ATRNL1: variants seen among roughly 807,000 people sequenced by gnomAD.
The protein encoded by ATRNL1 is attractin like 1.
A neutral mutation model predicts 182.7 loss-of-function variants in ATRNL1; 95 were observed. The ratio of observed to expected loss-of-function variants is 0.52; its 90% CI spans 0.44 to 0.62. The LOEUF (loss-of-function observed/expected upper bound fraction) is 0.62, where lower values mean the gene tolerates loss of function less well. ATRNL1 is among the 20% of genes least tolerant of loss of function. The pLI is 0.00. For missense variants in ATRNL1, 1,471 were observed against 1,679.5 expected (o/e 0.88, Z 2.17); for synonymous variants, 576 against 568.3 (o/e 1.01, Z -0.19).
chr10:115,271,021 T>C (rs1851836788), intron 13 of ATRNL1, among the ~76,000 whole-genome samples: 1 of 152,060 alleles, frequency 6.6e-6, no homozygotes, highest in Admixed American at 6.6e-5. Context: ...GAAAAGGAGG[T>C]AAAGTCCTGG....
chr10:115,405,687 GTTTTC>G lies in ATRNL1; in HGVS notation c.3269+10940_3269+10944del, dbSNP rs564940366. 6.7e-3 allele frequency among the ~76,000 whole-genome samples: 897 copies of G among 134,424 alleles called. 2 individuals are homozygous for G. The highest frequency in any genetic ancestry group is 7.5e-3 in the Non-Finnish European group (432 of 57,358). 88.2% of individuals were successfully genotyped at this position (134,424 alleles called of 152,430 possible). ...TATAACACACTTCATTCATTTGCCT[GTTTTC>G]TTTTTTTTTTTAATTATACTTTAAG... On this transcript the variant is annotated intron_variant, in intron 20 of 28. Coordinates refer to ENST00000355044, the MANE Select transcript of ATRNL1 (RefSeq NM_207303.4).
chr10:115,217,458 A>G (rs973728111), intron 9 of ATRNL1, among the ~76,000 whole-genome samples: 9 of 152,198 alleles, frequency 5.9e-5, no homozygotes, highest in Non-Finnish European at 1.2e-4. Context: ...GAGGCAGTAT[A>G]GTTCACAGTA....
chr10:115,898,624 ACCTTAAGG>A (rs1201513327), intron 28 of ATRNL1, among the ~76,000 whole-genome samples: 2 of 152,014 alleles, frequency 1.3e-5, no homozygotes, highest in Non-Finnish European at 2.9e-5. Context: ...TGTCTAGGAG[ACCTTAAGG>A]CCATAACAGG....
At chr10:115,642,205 T>C (rs556688100) in intron 26 of ATRNL1, among the ~76,000 whole-genome samples, 1 of 152,208 alleles carries the variant, frequency 6.6e-6, no homozygotes, top group South Asian at 2.1e-4. Context: ...ATATTCACAA[T>C]GAACAATAAG....
intron 26 of ATRNL1, among the ~76,000 whole-genome samples, chr10:115,656,981 G>A (rs570995234): frequency 4.6e-5 from 7 of 152,182 alleles, no homozygotes; most frequent in Admixed American, 1.3e-4. Flanking sequence ...AGTTAGAAGC[G>A]ATGATGTTAC....
At chr10:115,189,658 T>A (rs2144224468) in intron 8 of ATRNL1, among the ~76,000 whole-genome samples, 1 of 152,252 alleles carries the variant, frequency 6.6e-6, no homozygotes, top group South Asian at 2.1e-4. Context: ...TAGGCTGTTA[T>A]TACAGAAGGA....
At chr10:115,445,727 A>T (rs1156759802) in intron 21 of ATRNL1, among the ~76,000 whole-genome samples, 2 of 95,368 alleles carry the variant, frequency 2.1e-5, no homozygotes, top group African/African-American at 4.0e-5. Context: ...GAACATTTTT[A>T]TCGCTCCAGA....
intron 20 of ATRNL1, among the ~76,000 whole-genome samples, chr10:115,417,437 C>T (rs1554961060): frequency 6.6e-6 from 1 of 152,130 alleles, no homozygotes; most frequent in Non-Finnish European, 1.5e-5. Context: ...TTCAGTAGTA[C>T]CCAGGTTGTC....
chr10:115,314,318 G>T (rs561731343), intron 17 of ATRNL1, among the ~76,000 whole-genome samples: 7 of 152,116 alleles, frequency 4.6e-5, no homozygotes, highest in Non-Finnish European at 2.9e-5. Context: ...TTTAAATCCA[G>T]TATTCTATTA....
At chr10:115,172,328 C>G (rs1052843233) in intron 8 of ATRNL1, among the ~76,000 whole-genome samples, 2 of 151,956 alleles carry the variant, frequency 1.3e-5, no homozygotes, top group South Asian at 4.1e-4. Context: ...AATATATCAC[C>G]TATTACTTCA....
At chr10:115,696,896 A>C (rs544763402) in intron 26 of ATRNL1, among the ~76,000 whole-genome samples, 9 of 148,512 alleles carry the variant, frequency 6.1e-5, no homozygotes, top group African/African-American at 7.8e-5. Flanking sequence ...AGAGAGAGAG[A>C]GAGCGAGCGA....
chr10:115,378,721 G>A (rs1251326733), intron 19 of ATRNL1, among the ~76,000 whole-genome samples: 3 of 152,162 alleles, frequency 2.0e-5, no homozygotes, highest in African/African-American at 4.8e-5. Flanking sequence ...AAGTCTCCCA[G>A]TGTTTTTGAA....
At chr10:115,215,185 G>A (rs1849180501) in intron 8 of ATRNL1, among the ~76,000 whole-genome samples, 1 of 152,076 alleles carries the variant, frequency 6.6e-6, no homozygotes, top group Non-Finnish European at 1.5e-5. Flanking sequence ...AAATTTTATT[G>A]TTTAGGTTTT....
chr10:115,293,171 T>G (rs1339498015), intron 15 of ATRNL1, among the ~76,000 whole-genome samples: 1 of 152,146 alleles, frequency 6.6e-6, no homozygotes, highest in Admixed American at 6.5e-5. Flanking sequence ...GTGTAGCTAC[T>G]CCTGTTCACT....
intron 22 of ATRNL1, among the ~76,000 whole-genome samples, chr10:115,464,615 A>C (rs193264341): frequency 1.2e-3 from 184 of 152,092 alleles, no homozygotes; most frequent in Admixed American, 2.3e-3. Flanking sequence ...GAATGAACTA[A>C]AAATTCAAAA....
intron 15 of ATRNL1, among the ~76,000 whole-genome samples, chr10:115,297,650 TAAA>T (rs5788102): frequency 8.6e-5 from 10 of 116,068 alleles, no homozygotes; most frequent in Admixed American, 3.6e-4. Context: ...GACTCCGTCT[TAAA>T]AAAAAAAAAA....
intron 1 of ATRNL1, among the ~76,000 whole-genome samples, chr10:115,110,744 G>A (rs1264992536): frequency 1.3e-5 from 2 of 152,188 alleles, no homozygotes; most frequent in African/African-American, 4.8e-5. Context: ...ATGATACTGA[G>A]TTAACCAGAA....
At chr10:115,642,692 G>T (rs1055300733) in intron 26 of ATRNL1, among the ~76,000 whole-genome samples, 1 of 152,094 alleles carries the variant, frequency 6.6e-6, no homozygotes, top group Non-Finnish European at 1.5e-5. Context: ...TGATCCGCCC[G>T]CCTTGGCCTC....
chr10:115,344,485 T>C (rs1177552400), intron 19 of ATRNL1, among the ~76,000 whole-genome samples: 1 of 151,982 alleles, frequency 6.6e-6, no homozygotes, highest in Non-Finnish European at 1.5e-5. Flanking sequence ...TTAAGTAAGC[T>C]TATGGTGAAT....
Sources: gnomAD v4.1 joint callset for allele counts (sites outside exome capture counted in the v4.1 genomes callset) on GRCh38, gnomAD v4.1.1 for gene constraint, MANE v1.5 for transcripts, NCBI Gene and HGNC (gene_info 2026-07-23, HGNC 2026-07-21) for gene names.